The following KCNMA1 variants were observed in gnomAD, a reference collection of about 807,000 sequenced individuals.
KCNMA1 encodes the protein potassium calcium-activated channel subfamily M alpha 1.
A neutral mutation model predicts 140.0 loss-of-function variants in KCNMA1; 29 were observed. The ratio of observed to expected loss-of-function variants is 0.21; its 90% CI spans 0.15 to 0.28. The LOEUF (loss-of-function observed/expected upper bound fraction) is 0.28. Ranked by LOEUF, KCNMA1 falls within the 10% of genes least tolerant of loss-of-function variation. The pLI is 1.00. For missense variants in KCNMA1, 880 were observed against 1,602.2 expected (o/e 0.55, Z 7.70); for synonymous variants, 612 against 611.9 (o/e 1.00, Z 0.00).
chr10:77,050,267 T>A (rs1446494900), intron 14 of KCNMA1, among the ~76,000 whole-genome samples: 3 of 147,256 alleles, frequency 2.0e-5, no homozygotes, highest in African/African-American at 7.4e-5. Flanking sequence ...AACAACTTGA[T>A]CTTTTCTAAA....
intron 1 of KCNMA1, among the ~76,000 whole-genome samples, chr10:77,467,989 GTTTTTA>G (rs1012677110): frequency 3.2e-4 from 48 of 152,248 alleles, no homozygotes; most frequent in African/African-American, 1.1e-3. Context: ...TTGTTTCCTT[GTTTTTA>G]TTTTTATTTT....
chr10:77,636,364 G>A, intron 1 of KCNMA1: 1 of 1,532,972 alleles, frequency 6.5e-7, no homozygotes. Context: ...CTCAGTGCCG[G>A]TGGGCGTCTG....
At chr10:77,301,857 C>T (rs1049616449) in intron 2 of KCNMA1, among the ~76,000 whole-genome samples, 1 of 150,216 alleles carries the variant, frequency 6.7e-6, no homozygotes, top group African/African-American at 2.5e-5. Context: ...GGAAGCATCT[C>T]ACAACAGCCT....
At chr10:77,474,649 T>TC (rs373536127) in intron 1 of KCNMA1, among the ~76,000 whole-genome samples, 25 of 152,088 alleles carry the variant, frequency 1.6e-4, no homozygotes, top group African/African-American at 5.8e-4. Context: ...CTTTTTTTTT[T>TC]CTCTCTCTCC....
intron 2 of KCNMA1, among the ~76,000 whole-genome samples, chr10:77,271,834 TG>T (rs1456851073): frequency 2.0e-5 from 3 of 151,928 alleles, no homozygotes; most frequent in Admixed American, 1.3e-4. Flanking sequence ...CCCCACACCC[TG>T]GGGGAAAAAA....
intron 18 of KCNMA1, among the ~76,000 whole-genome samples, chr10:77,008,788 A>C (rs2089933912): frequency 1.3e-5 from 2 of 152,200 alleles, no homozygotes; most frequent in Admixed American, 6.5e-5. Flanking sequence ...ACAGATGAGT[A>C]TGTGGGTCAG....
chr10:76,909,783 T>G (rs1322394900), intron 25 of KCNMA1, among the ~76,000 whole-genome samples, 183 bp downstream of exon 25: 8 of 152,182 alleles, frequency 5.3e-5, no homozygotes, highest in African/African-American at 1.9e-4. Context: ...CTTGAGGAAT[T>G]TATAATCAAA....
rs116144703 is a variant in KCNMA1, at chr10:77,636,457, G to T, written c.378+808C>A. 1.5e-3 allele frequency: 2,359 copies of T among 1,536,206 alleles called. 34 individuals carry two copies. In the African/African-American group the frequency reaches 0.029, roughly 19 times the overall value. ...TCCGCGTAAAACCGCGGCCTCAGGC[G>T]GACTCCCGCTCCAGCTCCGCGCTGC... On this transcript the variant is annotated intron_variant, in intron 1 of 27. Transcript: ENST00000286628.
intron 1 of KCNMA1, among the ~76,000 whole-genome samples, chr10:77,557,191 A>G (rs1337272018): frequency 6.6e-6 from 1 of 152,198 alleles, no homozygotes; most frequent in East Asian, 1.9e-4. Flanking sequence ...TTCAATCTTG[A>G]AAGCTGTCAA....
intron 1 of KCNMA1, among the ~76,000 whole-genome samples, chr10:77,537,624 C>T (rs1176986096): frequency 6.6e-6 from 1 of 152,158 alleles, no homozygotes; most frequent in Non-Finnish European, 1.5e-5. Context: ...AAATCCTAAT[C>T]TCACCAACTC....
At chr10:76,963,310 C>T (rs1471999119) in intron 20 of KCNMA1, among the ~76,000 whole-genome samples, 3 of 152,188 alleles carry the variant, frequency 2.0e-5, no homozygotes, top group Non-Finnish European at 4.4e-5. Flanking sequence ...TGCAAATTTC[C>T]AATCCCCAGG....
chr10:77,585,114 A>G (rs1305079302), intron 1 of KCNMA1, among the ~76,000 whole-genome samples: 1 of 152,200 alleles, frequency 6.6e-6, no homozygotes, highest in Non-Finnish European at 1.5e-5. Context: ...CTCTGACCAC[A>G]TGCTGGGCAG....
At chr10:77,468,998 C>T (rs1262746128) in intron 1 of KCNMA1, among the ~76,000 whole-genome samples, 1 of 152,174 alleles carries the variant, frequency 6.6e-6, no homozygotes, top group Non-Finnish European at 1.5e-5. Flanking sequence ...AGACAAGTCA[C>T]ACACTTCACA....
chr10:77,308,444 A>G (rs1395596810), intron 2 of KCNMA1, among the ~76,000 whole-genome samples: 1 of 152,208 alleles, frequency 6.6e-6, no homozygotes. Context: ...ATGGAGGGAA[A>G]GCCCCTGCTC....
chr10:77,359,694 C>T (rs748458009), intron 2 of KCNMA1, among the ~76,000 whole-genome samples: 14 of 152,154 alleles, frequency 9.2e-5, no homozygotes, highest in Non-Finnish European at 2.1e-4. Flanking sequence ...GAAATGGCGC[C>T]CCAAAGACCC....
At chr10:76,937,304 A>T (rs1302877456) in intron 23 of KCNMA1, among the ~76,000 whole-genome samples, 1 of 152,206 alleles carries the variant, frequency 6.6e-6, no homozygotes, top group African/African-American at 2.4e-5. Context: ...TTGGCAAGTG[A>T]CATGTTGTCC....
chr10:76,945,497 G>T (rs1010820698), intron 22 of KCNMA1, among the ~76,000 whole-genome samples: 24 of 152,182 alleles, frequency 1.6e-4, no homozygotes. Flanking sequence ...GCTCAATTTG[G>T]AGGCTATGGA....
chr10:77,294,717 G>C (rs1198180210), intron 2 of KCNMA1, among the ~76,000 whole-genome samples: 3 of 151,942 alleles, frequency 2.0e-5, no homozygotes, highest in Admixed American at 1.3e-4. Context: ...TCAGGAGTTC[G>C]AGGCCAGGCT....
At chr10:77,382,959 C>CGTGTGTGTGT (rs57049025) in intron 2 of KCNMA1, among the ~76,000 whole-genome samples, 4,287 of 76,060 alleles carry the variant, frequency 0.056, 259 homozygotes, top group Non-Finnish European at 0.092. Context: ...CATATATATA[C>CGTGTGTGTGT]GTGTGTGTGT....
Sources: gnomAD v4.1 joint callset for allele counts (sites outside exome capture counted in the v4.1 genomes callset) on GRCh38, gnomAD v4.1.1 for gene constraint, MANE v1.5 for transcripts, NCBI Gene and HGNC (gene_info 2026-07-23, HGNC 2026-07-21) for gene names.